PAK5: variants seen among roughly 807,000 people sequenced by gnomAD.
PAK5 encodes the protein p21 (RAC1) activated kinase 5, also known as serine/threonine-protein kinase PAK 5.
Under a neutral mutation model 65.9 loss-of-function variants are expected in PAK5, and 16 were observed. The ratio of observed to expected loss-of-function variants is 0.24; its 90% CI spans 0.16 to 0.37. The LOEUF is 0.37. PAK5 is among the 10% of genes least tolerant of loss of function. PAK5 has a pLI of 1.00. For missense variants in PAK5, 785 were observed against 903.9 expected, an observed-to-expected ratio of 0.87 and a Z score of 1.69; for synonymous variants, 371 against 354.9, an observed-to-expected ratio of 1.05 and a Z score of -0.51.
chr20:9,624,014 C>T (rs924598395), intron 3 of PAK5, among the ~76,000 whole-genome samples: 4 of 152,168 alleles, frequency 2.6e-5, no homozygotes, highest in African/African-American at 7.2e-5. Flanking sequence ...ATGGTACATA[C>T]GCTTTATGAT....
rs139501081 is a variant in PAK5 at position 9,561,626 on chromosome 20, C to T, written c.1616+1265G>A. On this transcript the variant is annotated intron_variant, in intron 6 of 9. Transcript: ENST00000353224. ...ACATCTCATTTCAGTGGAGAAAAAACAGCATGTTTTATACTTCACAGGGTT... is the reference window on the plus strand; with the variant it reads ...ACATCTCATTTCAGTGGAGAAAAAATAGCATGTTTTATACTTCACAGGGTT... Among the ~76,000 whole-genome samples, 195 of 152,228 alleles carry T rather than the reference C, an allele frequency of 1.3e-3. 2 individuals carry two copies. The East Asian group carries it at 0.033, about 25-fold the overall frequency.
chr20:9,774,927 G>A (rs531571523), intron 1 of PAK5, among the ~76,000 whole-genome samples: 10 of 152,332 alleles, frequency 6.6e-5, no homozygotes, highest in South Asian at 2.1e-4. Flanking sequence ...CCGCACTCCA[G>A]CCTGGGCGGC....
chr20:9,558,836 C>T (rs950886456), intron 6 of PAK5, among the ~76,000 whole-genome samples: 2 of 152,148 alleles, frequency 1.3e-5, no homozygotes, highest in Non-Finnish European at 2.9e-5. Context: ...TTATGGCCTC[C>T]CATATCTCAT....
At chr20:9,781,041 A>G (rs1039487820) in intron 1 of PAK5, among the ~76,000 whole-genome samples, 1 of 152,204 alleles carries the variant, frequency 6.6e-6, no homozygotes, top group African/African-American at 2.4e-5. Flanking sequence ...AAAATATTCA[A>G]ATGGATAATA....
chr20:9,741,348 C>T (rs1464745074), intron 1 of PAK5, among the ~76,000 whole-genome samples: 1 of 152,100 alleles, frequency 6.6e-6, no homozygotes, highest in Non-Finnish European at 1.5e-5. Context: ...TTGAGCCCAC[C>T]GTTATTTTTC....
At chr20:9,791,947 T>TG (rs1255874530) in intron 1 of PAK5, among the ~76,000 whole-genome samples, 1 of 152,140 alleles carries the variant, frequency 6.6e-6, no homozygotes, top group East Asian at 1.9e-4. Flanking sequence ...ACCTCATTTA[T>TG]GGAATTTCTT....
At chr20:9,799,801 T>A (rs572043108) in intron 1 of PAK5, among the ~76,000 whole-genome samples, 2 of 150,152 alleles carry the variant, frequency 1.3e-5, no homozygotes, top group Admixed American at 6.6e-5. Context: ...ATTAGCTGAG[T>A]GTGATGGTGT....
intron 3 of PAK5, among the ~76,000 whole-genome samples, chr20:9,610,716 C>T (rs1201327701): frequency 1.3e-5 from 2 of 152,094 alleles, no homozygotes; most frequent in East Asian, 3.9e-4. Context: ...CATCTGTGTG[C>T]TTTGTTTCTA....
intron 2 of PAK5, among the ~76,000 whole-genome samples, chr20:9,681,741 T>C (rs1216997256): frequency 2.0e-5 from 3 of 152,216 alleles, no homozygotes; most frequent in East Asian, 1.9e-4. Context: ...ATATAGTTAA[T>C]ATTCATTTAC....
intron 1 of PAK5, among the ~76,000 whole-genome samples, chr20:9,763,637 C>T (rs1382726208): frequency 6.6e-6 from 1 of 151,956 alleles, no homozygotes; most frequent in Non-Finnish European, 1.5e-5. Flanking sequence ...GATGTTTTAG[C>T]AAATATGACA....
intron 1 of PAK5, among the ~76,000 whole-genome samples, chr20:9,712,893 A>T (rs1182849656): frequency 2.6e-5 from 4 of 152,192 alleles, no homozygotes; most frequent in Admixed American, 2.0e-4. Context: ...ACTTAAATGT[A>T]AAACCTAAAC....
rs139349318 is a variant in PAK5 at position 9,566,675 on chromosome 20, A to C, written c.991-291T>G. ...ACCCCATCCCTCATTAAAGGACATT[A>C]GTTTTCAGCTAGCATTTTTGGGAGA... On this transcript the variant is annotated intron_variant, in intron 4 of 9. Coordinates refer to ENST00000353224, the MANE Select transcript of PAK5 (RefSeq NM_177990.4). 3.9e-5 allele frequency among the ~76,000 whole-genome samples: 6 copies of C among 152,282 alleles called. No individual in the cohort carries two copies. The East Asian group carries it at 9.7e-4, about 25-fold the overall frequency.
Position 9,605,410 on chromosome 20 carries a change from C to A in PAK5, c.205-24480G>T, listed in dbSNP as rs79587610. ...CATGACTGCTGTAGCCAGCTTTGCA[C>A]ATGGATAGATGTAGGTTTGAATATC... is the stretch of plus-strand genomic sequence containing the variant. On this transcript the variant is annotated intron_variant, in intron 3 of 9. Coordinates refer to ENST00000353224, the MANE Select transcript of PAK5 (RefSeq NM_177990.4). Among the ~76,000 whole-genome samples the A allele has an allele frequency of 8.2e-3, 1,244 of 152,288 alleles. 7 individuals carry two copies. Among genetic ancestry groups the A allele is most frequent in the Non-Finnish European group, 0.013 (866 of 68,028 alleles).
At chr20:9,608,191 G>T in intron 3 of PAK5, among the ~76,000 whole-genome samples, 1 of 152,190 alleles carries the variant, frequency 6.6e-6, no homozygotes, top group East Asian at 1.9e-4. Context: ...CACACTGAGG[G>T]TAAGGATTTC....
intron 1 of PAK5, among the ~76,000 whole-genome samples, chr20:9,769,157 G>C (rs76215157): frequency 0.014 from 2,156 of 152,300 alleles, 76 homozygotes; most frequent in East Asian, 0.14. Flanking sequence ...AGCAAATCTA[G>C]TGCAATTAAT....
intron 3 of PAK5, among the ~76,000 whole-genome samples, chr20:9,641,112 AG>A (rs1171737693): frequency 6.6e-6 from 1 of 152,070 alleles, no homozygotes; most frequent in African/African-American, 2.4e-5. Context: ...CTAGATACAA[AG>A]GTTCTCCACC....
Position 9,539,301 on chromosome 20 carries a change from A to T in PAK5, c.*161T>A, listed in dbSNP as rs1474102239. ...TGGAGAGATGCCTGTTTAAGACACA[A>T]GAAGATGCCCTGGTCTGTTGAACCC... On this transcript the variant is annotated 3_prime_UTR_variant, in exon 10 of 10. Coordinates refer to ENST00000353224, the MANE Select transcript of PAK5 (RefSeq NM_177990.4). 7 of 658,644 alleles carry T rather than the reference A, an allele frequency of 1.1e-5. No individual in the cohort carries two copies. In the Admixed American group the frequency reaches 1.6e-4, roughly 16 times the overall value. The allele number at this position is 658,644 out of a possible 1,614,324, so 40.8% of individuals were successfully genotyped here.
At chr20:9,596,463 C>A (rs375702625) in intron 3 of PAK5, among the ~76,000 whole-genome samples, 89 of 151,876 alleles carry the variant, frequency 5.9e-4, no homozygotes, top group African/African-American at 2.1e-3. Context: ...AGTGAAACCC[C>A]GTCTCTACTA....
intron 1 of PAK5, among the ~76,000 whole-genome samples, chr20:9,751,373 A>G (rs949950135): frequency 2.0e-5 from 3 of 152,120 alleles, no homozygotes; most frequent in African/African-American, 7.2e-5. Context: ...CTACAATACA[A>G]CTGTCTTTGA....
Sources: gnomAD v4.1 joint callset for allele counts (sites outside exome capture counted in the v4.1 genomes callset) on GRCh38, gnomAD v4.1.1 for gene constraint, MANE v1.5 for transcripts, NCBI Gene and HGNC (gene_info 2026-07-23, HGNC 2026-07-21) for gene names.